The following SP140L variants were observed in gnomAD, a reference collection of about 807,000 sequenced individuals.
SP140L encodes nuclear body protein SP140-like protein.
A neutral mutation model predicts 84.3 loss-of-function variants in SP140L; 64 were observed. The observed-to-expected ratio is 0.76, with a 90% CI of 0.62 to 0.94. SP140L has a LOEUF of 0.94. SP140L is among the 40% of genes least tolerant of loss of function. SP140L has a pLI of 0.00. For missense variants in SP140L, 628 were observed against 692.5 expected, an observed-to-expected ratio of 0.91 and a Z score of 1.05; for synonymous variants, 242 against 236.9, an observed-to-expected ratio of 1.02 and a Z score of -0.20.
chr2:230,349,688 A>G (rs1310677243), intron 2 of SP140L, among the ~76,000 whole-genome samples: 2 of 152,180 alleles, frequency 1.3e-5, no homozygotes, highest in Non-Finnish European at 2.9e-5. Context: ...AAACAATATC[A>G]TTGAATAAGT....
intron 10 of SP140L, 162 bp downstream of exon 10, chr2:230,388,795 G>A: frequency 2.9e-6 from 2 of 694,082 alleles, no homozygotes; most frequent in South Asian, 2.8e-5. Context: ...AATGTATCAA[G>A]GAAAGAAGGA....
chr2:230,347,688 G>A (rs1449408655), intron 2 of SP140L, among the ~76,000 whole-genome samples: 7 of 152,218 alleles, frequency 4.6e-5, no homozygotes, highest in African/African-American at 9.6e-5. Context: ...GGTCAAGGAC[G>A]TATGTTAGGC....
intron 2 of SP140L, among the ~76,000 whole-genome samples, chr2:230,356,708 G>A (rs1006642248): frequency 2.0e-5 from 3 of 152,138 alleles, no homozygotes; most frequent in Non-Finnish European, 4.4e-5. Flanking sequence ...TCCGAATTCT[G>A]TAGGGCACCA....
intron 12 of SP140L, 65 bp downstream of exon 12, chr2:230,392,294 G>T: frequency 1.3e-6 from 2 of 1,599,706 alleles, no homozygotes; most frequent in South Asian, 2.2e-5. Flanking sequence ...TGAGGAGACT[G>T]TTTATTCACC....
Position 230,390,003 on chromosome 2 carries a change from A to G in SP140L, c.944A>G (p.His315Arg), listed in dbSNP as rs761714691. Residue 315 changes from histidine (H) to arginine (R), a missense_variant, in exon 11 of 19, where the codon CAT becomes CGT. Transcript: ENST00000415673. ...VTCGGVKGIL[H>R]KEKLEQGTLA... Reference sequence around the variant, plus strand: ...TGTGGTGGGGTGAAGGGAATTTTACATAAGGAGAAATTGGAACAAGGTGGG... The same window carrying G: ...TGTGGTGGGGTGAAGGGAATTTTACGTAAGGAGAAATTGGAACAAGGTGGG... 10 of 1,613,580 alleles carry G rather than the reference A, an allele frequency of 6.2e-6. No homozygotes were observed. Among genetic ancestry groups the G allele is most frequent in the South Asian group, 5.5e-5 (5 of 91,010 alleles).
At chr2:230,331,972 G>A (rs1418375929) in intron 2 of SP140L, among the ~76,000 whole-genome samples, 1 of 151,150 alleles carries the variant, frequency 6.6e-6, no homozygotes, top group Non-Finnish European at 1.5e-5. Flanking sequence ...TTCCCTTTGT[G>A]CATTAGGCAG....
intron 7 of SP140L, among the ~76,000 whole-genome samples, chr2:230,373,254 A>G (rs2061143812): frequency 6.6e-6 from 1 of 152,240 alleles, no homozygotes; most frequent in African/African-American, 2.4e-5. Context: ...TGGCAACACT[A>G]AACAACAGAT....
At chr2:230,358,356 G>A (rs1356137423) in intron 3 of SP140L, among the ~76,000 whole-genome samples, 2 of 152,188 alleles carry the variant, frequency 1.3e-5, no homozygotes, top group African/African-American at 4.8e-5. Flanking sequence ...TGTCTAGAGA[G>A]GACAAATTTG....
intron 2 of SP140L, among the ~76,000 whole-genome samples, chr2:230,339,368 C>G (rs1575436397): frequency 6.6e-6 from 1 of 151,494 alleles, no homozygotes; most frequent in East Asian, 1.9e-4. Flanking sequence ...TTTATTGCGT[C>G]TATTTGATTC....
intron 2 of SP140L, among the ~76,000 whole-genome samples, chr2:230,347,580 A>T (rs952009428): frequency 5.3e-5 from 8 of 152,030 alleles, no homozygotes; most frequent in Non-Finnish European, 1.2e-4. Flanking sequence ...CTGGCTGGCC[A>T]CTGAGGCTGG....
chr2:230,337,855 T>C (rs951363668), intron 2 of SP140L, among the ~76,000 whole-genome samples: 2 of 152,158 alleles, frequency 1.3e-5, no homozygotes, highest in African/African-American at 4.8e-5. Flanking sequence ...TTGATCTATA[T>C]CTCCGTTTTG....
intron 6 of SP140L, among the ~76,000 whole-genome samples, chr2:230,371,382 C>A (rs552955843): frequency 6.6e-6 from 1 of 152,314 alleles, no homozygotes; most frequent in South Asian, 2.1e-4. Context: ...TGCAGGTCTA[C>A]TCTTAGCCCA....
chr2:230,392,040 C>T (rs10184953), intron 11 of SP140L, 47 bp from the exon 12 acceptor site: 430,464 of 1,609,232 alleles, frequency 0.27, 62,164 homozygotes, highest in Non-Finnish European at 0.3. Flanking sequence ...ACAGTCTGAG[C>T]GCTGGGAACA....
intron 9 of SP140L, 100 bp from the exon 10 acceptor site, chr2:230,388,459 C>A: frequency 2.1e-6 from 2 of 946,634 alleles, no homozygotes; most frequent in South Asian, 2.1e-5. Flanking sequence ...ATTAAACAGG[C>A]TTTTGGAAAG....
intron 5 of SP140L, among the ~76,000 whole-genome samples, chr2:230,367,937 A>C (rs1390726740): frequency 6.6e-6 from 1 of 152,248 alleles, no homozygotes; most frequent in Non-Finnish European, 1.5e-5. Context: ...CATCTCAAAA[A>C]TAAATATATT....
intron 2 of SP140L, among the ~76,000 whole-genome samples, chr2:230,329,314 A>C (rs1426067913): frequency 6.6e-6 from 1 of 152,202 alleles, no homozygotes; most frequent in Admixed American, 6.5e-5. Flanking sequence ...AATTATTCTT[A>C]CATTGGAGCA....
chr2:230,332,762 G>A (rs2059761629), intron 2 of SP140L, among the ~76,000 whole-genome samples: 1 of 152,148 alleles, frequency 6.6e-6, no homozygotes, highest in South Asian at 2.1e-4. Context: ...AGGACAGTGA[G>A]GCACATTGTG....
chr2:230,376,894 A>G (rs1413066664), intron 7 of SP140L, among the ~76,000 whole-genome samples: 1 of 152,168 alleles, frequency 6.6e-6, no homozygotes, highest in Admixed American at 6.5e-5. Flanking sequence ...AGAATAGGGA[A>G]CCCGGAAATA....
intron 2 of SP140L, among the ~76,000 whole-genome samples, chr2:230,332,315 C>T (rs191264128): frequency 4.6e-5 from 7 of 152,194 alleles, no homozygotes; most frequent in South Asian, 2.1e-4. Context: ...GTAGCTCTTT[C>T]GGCCATCTTC....
Sources: allele counts gnomAD v4.1 joint callset (sites outside exome capture counted in the v4.1 genomes callset), GRCh38; gene constraint gnomAD v4.1.1; transcripts MANE v1.5; gene names NCBI Gene and HGNC (gene_info 2026-07-23, HGNC 2026-07-21).